The following DLG2 variants were observed in gnomAD, a reference collection of about 807,000 sequenced individuals.
The protein encoded by DLG2 is disks large homolog 2.
A neutral mutation model predicts 132.5 loss-of-function variants in DLG2; 45 were observed. That is an observed-to-expected ratio of 0.34 (90% confidence interval 0.27 to 0.44). The LOEUF is 0.44. Ranked by LOEUF, DLG2 falls within the 20% of genes least tolerant of loss-of-function variation. The probability of loss-of-function intolerance (pLI) is 1.00; values close to 1 mark genes in which losing one functional copy is unlikely to be tolerated. For missense variants in DLG2, 1,045 were observed against 1,196.9 expected, an observed-to-expected ratio of 0.87 and a Z score of 1.87; for synonymous variants, 424 against 419.6, an observed-to-expected ratio of 1.01 and a Z score of -0.13.
chr11:83,503,643 G>C (rs911462966), intron 21 of DLG2, among the ~76,000 whole-genome samples: 19 of 151,736 alleles, frequency 1.3e-4, no homozygotes, highest in African/African-American at 4.6e-4. Flanking sequence ...GACCAGTCTA[G>C]TCTTTTCACA....
At chr11:84,280,475 G>A (rs2097842575) in intron 7 of DLG2, among the ~76,000 whole-genome samples, 2 of 151,844 alleles carry the variant, frequency 1.3e-5, no homozygotes, top group Non-Finnish European at 2.9e-5. Context: ...TGCCATGTTG[G>A]CTAGGCTGGT....
chr11:85,238,838 T>C (rs1468250894), intron 4 of DLG2, among the ~76,000 whole-genome samples: 1 of 151,776 alleles, frequency 6.6e-6, no homozygotes, highest in Non-Finnish European at 1.5e-5. Flanking sequence ...TTCTTTTCTT[T>C]TTTTTTTTTA....
At chr11:85,024,279 A>G (rs1456702905) in intron 6 of DLG2, among the ~76,000 whole-genome samples, 1 of 152,216 alleles carries the variant, frequency 6.6e-6, no homozygotes, top group Non-Finnish European at 1.5e-5. Flanking sequence ...ACCAGGAGCT[A>G]GTTACAGGAT....
chr11:84,894,981 C>G (rs1044212120), intron 6 of DLG2, among the ~76,000 whole-genome samples: 1 of 152,122 alleles, frequency 6.6e-6, no homozygotes, highest in African/African-American at 2.4e-5. Flanking sequence ...TACTTGAATC[C>G]CTAGTACAAA....
chr11:84,215,255 T>C (rs1483924475), intron 8 of DLG2, among the ~76,000 whole-genome samples: 1 of 152,192 alleles, frequency 6.6e-6, no homozygotes, highest in Non-Finnish European at 1.5e-5. Flanking sequence ...AACTTCCACC[T>C]GATCATAGTA....
chr11:85,563,877 A>C (rs1185762448), intron 3 of DLG2, among the ~76,000 whole-genome samples: 7 of 152,118 alleles, frequency 4.6e-5, no homozygotes, highest in Non-Finnish European at 1.0e-4. Flanking sequence ...TAACTTTTTT[A>C]AAAAGTACCA....
intron 16 of DLG2, among the ~76,000 whole-genome samples, chr11:83,837,454 T>G (rs2056498564): frequency 6.6e-6 from 1 of 152,002 alleles, no homozygotes; most frequent in Admixed American, 6.5e-5. Context: ...CATCTTAGAG[T>G]TGCCTCTCCT....
intron 3 of DLG2, among the ~76,000 whole-genome samples, chr11:85,549,278 C>T (rs916798624): frequency 3.9e-5 from 6 of 152,096 alleles, no homozygotes; most frequent in Non-Finnish European, 1.5e-5. Flanking sequence ...TGACGCCCCA[C>T]CCTGCTTCCA....
At position 84,753,775 on chromosome 11, in the gene DLG2, A is replaced by G. The variant is rs139444507; in HGVS notation, c.358-219044T>C. On this transcript the variant is annotated intron_variant, in intron 6 of 27. Coordinates refer to ENST00000376104, the MANE Select transcript of DLG2 (RefSeq NM_001142699.3). Reference sequence around the variant, plus strand: ...TCACTAGAAGGCTAAGCCTTGGTCAACAGTGATACTTAGAGACTAGCAGAG... The same window carrying G: ...TCACTAGAAGGCTAAGCCTTGGTCAGCAGTGATACTTAGAGACTAGCAGAG... Among the ~76,000 whole-genome samples the G allele has an allele frequency of 2.3e-3, 343 of 152,328 alleles. 4 individuals carry two copies. The highest frequency in any genetic ancestry group is 7.6e-3 in the African/African-American group (317 of 41,564).
intron 6 of DLG2, among the ~76,000 whole-genome samples, chr11:84,862,325 T>C (rs1404529138): frequency 6.6e-6 from 1 of 152,138 alleles, no homozygotes; most frequent in Non-Finnish European, 1.5e-5. Flanking sequence ...AAACAACAGA[T>C]GCTGGAGAGG....
intron 6 of DLG2, among the ~76,000 whole-genome samples, chr11:84,593,498 G>C (rs980366940): frequency 6.6e-6 from 1 of 152,104 alleles, no homozygotes; most frequent in Non-Finnish European, 1.5e-5. Flanking sequence ...TTGTGTGCAG[G>C]GACATGGATG....
chr11:83,572,937 G>A (rs749263061), intron 19 of DLG2, among the ~76,000 whole-genome samples: 1 of 152,094 alleles, frequency 6.6e-6, no homozygotes, highest in East Asian at 1.9e-4. Context: ...GACTACCCCT[G>A]CCCCATCACT....
At chr11:83,606,796 G>A (rs920930289) in intron 19 of DLG2, among the ~76,000 whole-genome samples, 3 of 152,004 alleles carry the variant, frequency 2.0e-5, no homozygotes, top group African/African-American at 7.2e-5. Flanking sequence ...GCATGGTGGC[G>A]GGCGCCTGTG....
intron 3 of DLG2, among the ~76,000 whole-genome samples, chr11:85,308,771 C>A (rs2080129184): frequency 1.3e-5 from 2 of 152,138 alleles, no homozygotes; most frequent in Non-Finnish European, 2.9e-5. Flanking sequence ...ACTATATAAG[C>A]TTTACTAGCT....
At chr11:85,178,166 AC>A in intron 4 of DLG2, among the ~76,000 whole-genome samples, 1 of 152,072 alleles carries the variant, frequency 6.6e-6, no homozygotes, top group African/African-American at 2.4e-5. Flanking sequence ...CAATATTTAG[AC>A]CAATGCTAAA....
At chr11:83,793,726 T>C (rs1160317714) in intron 17 of DLG2, among the ~76,000 whole-genome samples, 1 of 152,192 alleles carries the variant, frequency 6.6e-6, no homozygotes, top group Non-Finnish European at 1.5e-5. Flanking sequence ...CCTACCTACC[T>C]ACCTACCTAT....
chr11:85,532,875 C>T (rs192864590), intron 3 of DLG2, among the ~76,000 whole-genome samples: 21 of 152,168 alleles, frequency 1.4e-4, no homozygotes, highest in African/African-American at 4.8e-4. Context: ...ACACCTGTTC[C>T]TTATCTTATG....
chr11:85,039,311 T>C lies in DLG2; in HGVS notation c.357+72350A>G, dbSNP rs192338070. ...CCCAAAGTTTGCCGTCTCTCAAAAT[T>C]CACCCACGATATCTTATATCCAGTC... On this transcript the variant is annotated intron_variant, in intron 6 of 27. Coordinates refer to ENST00000376104, the MANE Select transcript of DLG2 (RefSeq NM_001142699.3). 2.0e-5 allele frequency among the ~76,000 whole-genome samples: 3 copies of C among 151,930 alleles called. No homozygotes were observed. The East Asian group carries it at 5.8e-4, about 30-fold the overall frequency.
chr11:84,144,466 A>T (rs1044559143), intron 9 of DLG2, among the ~76,000 whole-genome samples: 1 of 152,128 alleles, frequency 6.6e-6, no homozygotes, highest in African/African-American at 2.4e-5. Flanking sequence ...ATTTTACTGG[A>T]TTAGGTTGCA....
Sources: allele counts gnomAD v4.1 joint callset (sites outside exome capture counted in the v4.1 genomes callset), GRCh38; gene constraint gnomAD v4.1.1; transcripts MANE v1.5; gene names NCBI Gene and HGNC (gene_info 2026-07-23, HGNC 2026-07-21).